The following COL24A1 variants were observed in gnomAD, a reference collection of about 807,000 sequenced individuals.
COL24A1 encodes the protein collagen alpha-1(XXIV) chain.
COL24A1 carries 224 observed loss-of-function variants against 253.9 expected under a neutral mutation model. That is an observed-to-expected ratio of 0.88 (90% CI 0.79 to 0.99). The LOEUF (loss-of-function observed/expected upper bound fraction) is 0.99, where lower values mean the gene tolerates loss of function less well. COL24A1 is among the 50% of genes least tolerant of loss of function. COL24A1 has a pLI of 0.00. For missense variants in COL24A1, 2,131 were observed against 2,068.5 expected, an observed-to-expected ratio of 1.03 and a Z score of -0.59; for synonymous variants, 685 against 673.7, an observed-to-expected ratio of 1.02 and a Z score of -0.26.
chr1:85,796,923 G>A (rs1053869798), intron 47 of COL24A1, among the ~76,000 whole-genome samples: 4 of 151,902 alleles, frequency 2.6e-5, no homozygotes, highest in Non-Finnish European at 5.9e-5. Flanking sequence ...ATTCCTGGCC[G>A]GGCACGGTGG....
chr1:85,914,472 C>A (rs943410828), intron 24 of COL24A1, among the ~76,000 whole-genome samples: 1 of 151,470 alleles, frequency 6.6e-6, no homozygotes, highest in Non-Finnish European at 1.5e-5. Context: ...CTCACAGCAA[C>A]CTCTGCCTCC....
At chr1:86,095,495 G>A (rs1204475828) in intron 5 of COL24A1, among the ~76,000 whole-genome samples, 1 of 152,014 alleles carries the variant, frequency 6.6e-6, no homozygotes, top group African/African-American at 2.4e-5. Context: ...TGCATGCAGC[G>A]AAGACTATTG....
chr1:85,828,393 T>C (rs1417838772), intron 43 of COL24A1, among the ~76,000 whole-genome samples: 1 of 151,234 alleles, frequency 6.6e-6, no homozygotes, highest in East Asian at 1.9e-4. Flanking sequence ...AAAAAATGTA[T>C]ATTCTGTTGA....
At chr1:86,048,950 G>T (rs1199454384) in intron 11 of COL24A1, among the ~76,000 whole-genome samples, 1 of 152,102 alleles carries the variant, frequency 6.6e-6, no homozygotes, top group Non-Finnish European at 1.5e-5. Context: ...TAATTTACAA[G>T]AAATAAGCTC....
At chr1:85,906,151 C>T (rs1210674684) in intron 28 of COL24A1, among the ~76,000 whole-genome samples, 1 of 151,662 alleles carries the variant, frequency 6.6e-6, no homozygotes, top group Admixed American at 6.6e-5. Flanking sequence ...GGCAAATCTG[C>T]TCTCTTTCTT....
At chr1:85,833,573 C>A (rs561851119) in intron 43 of COL24A1, among the ~76,000 whole-genome samples, 2,459 of 152,240 alleles carry the variant, frequency 0.016, 62 homozygotes, top group African/African-American at 0.056. Context: ...CCTCAGGGAT[C>A]TAGAACTACA....
At chr1:86,073,828 A>C (rs1229140979) in intron 7 of COL24A1, among the ~76,000 whole-genome samples, 1 of 152,232 alleles carries the variant, frequency 6.6e-6, no homozygotes, top group Non-Finnish European at 1.5e-5. Context: ...GCATGCTTAA[A>C]GAAAAGAATT....
At chr1:86,040,051 T>C (rs748062683) in intron 12 of COL24A1, among the ~76,000 whole-genome samples, 8 of 152,162 alleles carry the variant, frequency 5.3e-5, no homozygotes, top group Non-Finnish European at 8.8e-5. Context: ...AATGCTAACC[T>C]GGGCCTCAGT....
At chr1:86,000,596 T>C (rs1695299996) in intron 19 of COL24A1, among the ~76,000 whole-genome samples, 1 of 152,202 alleles carries the variant, frequency 6.6e-6, no homozygotes, top group African/African-American at 2.4e-5. Flanking sequence ...TCTAGCTTAT[T>C]CCAGTTAAGT....
chr1:86,012,408 T>G (rs1696584585), intron 19 of COL24A1, among the ~76,000 whole-genome samples: 1 of 151,942 alleles, frequency 6.6e-6, no homozygotes, highest in South Asian at 2.1e-4. Context: ...GCTAACACAG[T>G]GAAATCCCAT....
At chr1:86,055,349 C>A (rs188861422) in intron 10 of COL24A1, among the ~76,000 whole-genome samples, 39 of 152,262 alleles carry the variant, frequency 2.6e-4, no homozygotes, top group Non-Finnish European at 4.0e-4. Flanking sequence ...CCTCCTTATT[C>A]CAATCACACT....
chr1:85,779,053 C>G (rs1472796035), intron 52 of COL24A1, among the ~76,000 whole-genome samples: 1 of 151,962 alleles, frequency 6.6e-6, no homozygotes, highest in African/African-American at 2.4e-5. Flanking sequence ...TTTGCGCAGG[C>G]TGGAGTGCAG....
chr1:86,123,986 GA>G (rs559720320), intron 3 of COL24A1, among the ~76,000 whole-genome samples: 11 of 150,854 alleles, frequency 7.3e-5, no homozygotes, highest in Middle Eastern at 3.4e-3. Context: ...TTGAAATTTT[GA>G]AAAAAAATAA....
Position 86,092,271 on chromosome 1 carries a change from T to C in COL24A1, c.1649A>G (p.Glu550Gly), listed in dbSNP as rs1703549954. 1 of 1,597,188 alleles carries C rather than the reference T, an allele frequency of 6.3e-7. No individual in the cohort carries two copies. The highest frequency in any genetic ancestry group is 8.6e-7 in the Non-Finnish European group (1 of 1,167,700). ...ATTTCATGGTCAAATAATTACCTTTTCTCCAGGAACAGGTTGACCTGGGGA... is the reference window on the plus strand; with the variant it reads ...ATTTCATGGTCAAATAATTACCTTTCCTCCAGGAACAGGTTGACCTGGGGA... ...GFSPGQPVPG[E>G]KGDQGLSGLM... Residue 550 changes from glutamate (E) to glycine (G), a missense_variant, in exon 6 of 60, where the codon GAA becomes GGA. By Grantham distance (98) the Glu-to-Gly change is moderately conservative (BLOSUM62 -2). Transcript: ENST00000370571.
In COL24A1 at chr1:85,818,040, C is replaced by T. The variant is rs1673225803; in HGVS notation, c.3837G>A (p.Gly1279=). The change falls in exon 46 of 60, where the codon GGG becomes GGA. Residue 1279 remains glycine, a synonymous_variant. Transcript: ENST00000370571. ...KGAPGPSGKP[G]IPGLQGLLGP... ...AAAGAGGCCTGTTACTTACAGGAAT[C>T]CCAGGTTTCCCAGAAGGACCAGGAG... The T allele has an allele frequency of 6.2e-7, 1 of 1,613,480 alleles. No individual in the cohort carries two copies. Among genetic ancestry groups the T allele is most frequent in the Non-Finnish European group, 8.5e-7 (1 of 1,179,508 alleles).
chr1:85,943,962 T>C (rs1377154404), intron 24 of COL24A1, among the ~76,000 whole-genome samples: 1 of 152,256 alleles, frequency 6.6e-6, no homozygotes, highest in Non-Finnish European at 1.5e-5. Context: ...AAGTGCATTG[T>C]CACAATGCTG....
chr1:85,872,628 T>C (rs552971325), intron 35 of COL24A1, among the ~76,000 whole-genome samples: 2 of 152,278 alleles, frequency 1.3e-5, no homozygotes, highest in East Asian at 3.9e-4. Context: ...GAAAACTGGC[T>C]AGCCATATGT....
Position 85,990,347 on chromosome 1 carries a change from G to A in COL24A1, c.2311-2693C>T, listed in dbSNP as rs189205960. 2.1e-4 allele frequency among the ~76,000 whole-genome samples: 32 copies of A among 152,238 alleles called. 1 individual carries two copies. In the East Asian group the frequency reaches 3.1e-3, roughly 15 times the overall value. On this transcript the variant is annotated intron_variant, in intron 19 of 59. Transcript: ENST00000370571. ...GAAGACAATTTTTCCATAAGATTGC[G>A]GCATGGAGGATAGTTTCGGGATGAA...
chr1:85,921,994 C>A (rs572350880), intron 24 of COL24A1, among the ~76,000 whole-genome samples: 29 of 152,166 alleles, frequency 1.9e-4, no homozygotes, highest in African/African-American at 6.5e-4. Flanking sequence ...GAGCTGAAAA[C>A]CATGGCATGA....
Sources: allele counts gnomAD v4.1 joint callset (sites outside exome capture counted in the v4.1 genomes callset), GRCh38; gene constraint gnomAD v4.1.1; transcripts MANE v1.5; gene names NCBI Gene and HGNC (gene_info 2026-07-23, HGNC 2026-07-21).